The following ZNF267 variants were observed in gnomAD, a reference collection of about 807,000 sequenced individuals.
ZNF267 encodes zinc finger protein 267, also known as zinc finger (C2H2).
In ZNF267, 61 loss-of-function variants were observed where a neutral mutation model predicts 71.6. The ratio of observed to expected loss-of-function variants is 0.85; its 90% CI spans 0.69 to 1.05. ZNF267 has a LOEUF of 1.05. Ranked by LOEUF, ZNF267 falls within the 50% of genes least tolerant of loss-of-function variation. The pLI, the probability that ZNF267 is intolerant of heterozygous loss-of-function variation, is 0.00. For synonymous variants in ZNF267, 288 were observed against 293.2 expected (o/e 0.98, Z 0.18); for missense variants, 852 against 870.0 (o/e 0.98, Z 0.26).
intron 3 of ZNF267, chr16:31,895,078 C>T (rs1034625141): frequency 5.0e-5 from 11 of 221,842 alleles, no homozygotes; most frequent in Admixed American, 1.7e-4. Flanking sequence ...TGCTGATGGC[C>T]GACATCACCT....
rs1241405576 is a variant in ZNF267 at position 31,915,606 on chromosome 16, C to T, written c.1357C>T (p.Gln453Ter). The change falls in exon 4 of 4, where the codon CAA becomes TAA. Residue 453 changes from glutamine to a stop codon, truncating the protein, a stop_gained. Coordinates refer to ENST00000300870, the MANE Select transcript of ZNF267 (RefSeq NM_003414.6). LOFTEE classifies it high-confidence loss of function. ...KAFNRSSCLT[Q>*]HQTTHTGEKL... The stretch of plus-strand genomic sequence containing the variant: ...TTTTAACCGTAGTTCATGCCTTACT[C>T]AACATCAGACAACTCATACAGGAGA... 6.2e-7 allele frequency: 1 copy of T among 1,613,576 alleles called. No individual in the cohort carries two copies. Among genetic ancestry groups the T allele is most frequent in the Admixed American group, 1.7e-5 (1 of 59,994 alleles).
Position 31,916,034 on chromosome 16 carries a change from G to C in ZNF267, c.1785G>C (p.Arg595=). The C allele has an allele frequency of 6.2e-7, 1 of 1,613,868 alleles. No homozygotes were observed. The change falls in exon 4 of 4, where the codon CGG becomes CGC. Residue 595 remains arginine (R), a synonymous_variant. Coordinates refer to ENST00000300870, the MANE Select transcript of ZNF267 (RefSeq NM_003414.6). ...FSDSSGLTVH[R]RTHTGEKPYT... Reference sequence around the variant, plus strand: ...ACTCCTCAGGTCTTACTGTGCATCGGCGAACTCATACTGGAGAGAAACCCT... The same window carrying C: ...ACTCCTCAGGTCTTACTGTGCATCGCCGAACTCATACTGGAGAGAAACCCT...
chr16:31,906,190 T>A (rs2084088408), intron 3 of ZNF267, among the ~76,000 whole-genome samples: 1 of 152,182 alleles, frequency 6.6e-6, no homozygotes, highest in South Asian at 2.1e-4. Context: ...GTCAGTCAGC[T>A]CCTACTGGGG....
chr16:31,894,246 C>T (rs1228126392), intron 3 of ZNF267, among the ~76,000 whole-genome samples: 1 of 152,190 alleles, frequency 6.6e-6, no homozygotes, highest in Non-Finnish European at 1.5e-5. Context: ...TCTTTCAGAT[C>T]CTCTTCCAGC....
chr16:31,916,906 T>C lies in ZNF267; in HGVS notation c.*425T>C, dbSNP rs116511896. The C allele has an allele frequency of 4.6e-3, 751 of 163,324 alleles. 7 individuals carry two copies. Among genetic ancestry groups the C allele is most frequent in the African/African-American group, 0.015 (629 of 41,660 alleles). The allele number at this position is 163,324 out of a possible 1,614,324, so 10.1% of individuals were successfully genotyped here. On this transcript the variant is annotated 3_prime_UTR_variant, in exon 4 of 4. Coordinates refer to ENST00000300870, the MANE Select transcript of ZNF267 (RefSeq NM_003414.6). ...CTAAAGCACAGACACTTTCAGCCTT[T>C]ATACTAAATAAGAGTATTTTTTGTA...
chr16:31,903,917 G>A (rs1448550820), intron 3 of ZNF267, among the ~76,000 whole-genome samples: 2 of 151,998 alleles, frequency 1.3e-5, no homozygotes, highest in African/African-American at 2.4e-5. Context: ...TTCTCTTGTG[G>A]GCATTTAGTG....
At position 31,873,895 on chromosome 16, in the gene ZNF267, T is replaced by TGG; in HGVS notation, c.-72_-71insGG. On this transcript the variant is annotated 5_prime_UTR_variant, in exon 1 of 4. Coordinates refer to ENST00000300870, the MANE Select transcript of ZNF267 (RefSeq NM_003414.6). Reference sequence around the variant, plus strand: ...TCGCGTTCTGAGAATAAACAGAACCTCTGTTGCTCTGCGACTTGCAGGCAC... The same window carrying TGG: ...TCGCGTTCTGAGAATAAACAGAACCTGGCTGTTGCTCTGCGACTTGCAGGCAC... 1.9e-6 allele frequency: 3 copies of TGG among 1,607,688 alleles called. No individual in the cohort carries two copies. Among genetic ancestry groups the TGG allele is most frequent in the Non-Finnish European group, 2.6e-6 (3 of 1,174,290 alleles).
chr16:31,894,982 C>G (rs2083987339), intron 3 of ZNF267: 1 of 325,496 alleles, frequency 3.1e-6, no homozygotes, highest in Non-Finnish European at 6.1e-6. Flanking sequence ...TGCAGACCAT[C>G]AATTGTTCAA....
chr16:31,886,276 A>G (rs573463207), intron 3 of ZNF267, among the ~76,000 whole-genome samples: 35 of 152,334 alleles, frequency 2.3e-4, no homozygotes, highest in African/African-American at 8.4e-4. Context: ...TAAGATGTAC[A>G]CTGTTAACAA....
At chr16:31,875,087 A>G (rs192638932) in intron 1 of ZNF267, 1 of 1,279,760 alleles carries the variant, frequency 7.8e-7, no homozygotes, top group African/African-American at 1.5e-5. Context: ...CATCTTCCCC[A>G]GGCACAGACA....
At position 31,917,219 on chromosome 16, in the gene ZNF267, A is replaced by G. The variant is rs929010155; in HGVS notation, c.*738A>G. ...AATATCATTAATATCAGCATTTTTC[A>G]TGGAAGTTTAATGCCAAATGTAAAA... On this transcript the variant is annotated 3_prime_UTR_variant, in exon 4 of 4. Transcript: ENST00000300870. 1.3e-5 allele frequency: 2 copies of G among 151,990 alleles called. No homozygotes were observed. The highest frequency in any genetic ancestry group is 2.4e-5 in the African/African-American group (1 of 41,384). 9.4% of individuals were successfully genotyped at this position (151,990 alleles called of 1,614,324 possible).
intron 3 of ZNF267, among the ~76,000 whole-genome samples, chr16:31,896,931 A>G (rs1233069824): frequency 1.3e-5 from 2 of 152,038 alleles, no homozygotes; most frequent in Admixed American, 6.6e-5. Flanking sequence ...TTATTCACAT[A>G]TATTTTATTT....
Position 31,882,528 on chromosome 16 carries a change from A to G in ZNF267, c.4-1970A>G, listed in dbSNP as rs185847505. Among the ~76,000 whole-genome samples the G allele has an allele frequency of 2.5e-3, 376 of 152,282 alleles. 1 individual carries two copies. Among genetic ancestry groups the G allele is most frequent in the Admixed American group, 7.0e-3 (107 of 15,302 alleles). On this transcript the variant is annotated intron_variant, in intron 1 of 3. Transcript: ENST00000300870. ...CTTTCCAAACCTGCAGAATCACATTACTTAGAGGGGGCCCAGAATACCAAA... is the reference window on the plus strand; with the variant it reads ...CTTTCCAAACCTGCAGAATCACATTGCTTAGAGGGGGCCCAGAATACCAAA...
chr16:31,899,646 C>T (rs2084024021), intron 3 of ZNF267, among the ~76,000 whole-genome samples: 1 of 151,768 alleles, frequency 6.6e-6, no homozygotes, highest in Admixed American at 6.6e-5. Context: ...AGGAAAAAAT[C>T]TTAAAATTAC....
At chr16:31,888,271 CTT>C (rs944123853) in intron 3 of ZNF267, among the ~76,000 whole-genome samples, 8 of 152,018 alleles carry the variant, frequency 5.3e-5, no homozygotes, top group Admixed American at 2.0e-4. Flanking sequence ...TTGGTATAGT[CTT>C]TATGGTTTTC....
chr16:31,909,120 C>CTTTTTTT (rs34409182), intron 3 of ZNF267, among the ~76,000 whole-genome samples: 8 of 45,322 alleles, frequency 1.8e-4, no homozygotes, highest in African/African-American at 4.3e-4. Flanking sequence ...CTTTTCTTTT[C>CTTTTTTT]TTTTTTTTTT....
At chr16:31,884,870 G>A (rs976218104) in intron 2 of ZNF267, among the ~76,000 whole-genome samples, 4 of 152,118 alleles carry the variant, frequency 2.6e-5, no homozygotes, top group Non-Finnish European at 4.4e-5. Context: ...ATAAACTATT[G>A]TTGCTTACAC....
chr16:31,904,310 G>A (rs2084068955), intron 3 of ZNF267, among the ~76,000 whole-genome samples: 1 of 152,164 alleles, frequency 6.6e-6, no homozygotes, highest in African/African-American at 2.4e-5. Context: ...GGTCCGCTTG[G>A]TGCAGAGCTG....
intron 1 of ZNF267, among the ~76,000 whole-genome samples, chr16:31,883,419 T>G (rs1028872894): frequency 6.6e-6 from 1 of 152,222 alleles, no homozygotes; most frequent in Non-Finnish European, 1.5e-5. Flanking sequence ...TGTGCACATA[T>G]GCACATAAAA....
Sources: gnomAD v4.1 joint callset for allele counts (sites outside exome capture counted in the v4.1 genomes callset) on GRCh38, gnomAD v4.1.1 for gene constraint, MANE v1.5 for transcripts, NCBI Gene and HGNC (gene_info 2026-07-23, HGNC 2026-07-21) for gene names.